TBC1D23: variants seen among roughly 807,000 people sequenced by gnomAD.
TBC1D23 encodes TBC1 domain family member 23.
A neutral mutation model predicts 91.4 loss-of-function variants in TBC1D23; 55 were observed. The ratio of observed to expected loss-of-function variants is 0.60; its 90% CI spans 0.48 to 0.75. The LOEUF (loss-of-function observed/expected upper bound fraction) is 0.75, where lower values mean the gene tolerates loss of function less well. Among genes scored for constraint, TBC1D23 ranks in the 30% least tolerant of loss-of-function variants. TBC1D23 has a pLI of 0.00. For missense variants in TBC1D23, 725 were observed against 836.1 expected (o/e 0.87, Z 1.64); for synonymous variants, 289 against 281.0 (o/e 1.03, Z -0.28).
At chr3:100,272,912 CATACAATCGGTTTT>C (rs2067612326) in intron 1 of TBC1D23, among the ~76,000 whole-genome samples, 1 of 152,012 alleles carries the variant, frequency 6.6e-6, no homozygotes, top group Non-Finnish European at 1.5e-5. Context: ...GTAGATGGAA[CATACAATCGGTTTT>C]ATACCGAGAC....
At chr3:100,294,270 T>A (rs1326625124) in intron 5 of TBC1D23, among the ~76,000 whole-genome samples, 1 of 151,738 alleles carries the variant, frequency 6.6e-6, no homozygotes, top group Non-Finnish European at 1.5e-5. Flanking sequence ...TGTTTATTTT[T>A]TTTTTTTTGA....
chr3:100,293,075 G>A (rs2067805818), intron 5 of TBC1D23, among the ~76,000 whole-genome samples: 1 of 152,094 alleles, frequency 6.6e-6, no homozygotes, highest in African/African-American at 2.4e-5. Flanking sequence ...TTTAAACTGA[G>A]TGGTTTCTCT....
chr3:100,267,463 C>A (rs1205896688), intron 1 of TBC1D23, among the ~76,000 whole-genome samples: 1 of 152,204 alleles, frequency 6.6e-6, no homozygotes, highest in Non-Finnish European at 1.5e-5. Context: ...TTTTTCTTAT[C>A]CTTTAGCTGA....
In TBC1D23 at chr3:100,262,423, G is replaced by A. The variant is rs184282553; in HGVS notation, c.53+1352G>A. ...TGTAATTTAAAATTATGTAGTAGCA[G>A]CATTTAAAACTGAAAAGAAGGCTGG... On this transcript the variant is annotated intron_variant, in intron 1 of 18. Transcript: ENST00000394144. Among the ~76,000 whole-genome samples the A allele has an allele frequency of 1.5e-3, 231 of 152,190 alleles. 1 individual carries two copies. The highest frequency in any genetic ancestry group is 5.3e-3 in the African/African-American group (219 of 41,524).
At chr3:100,269,462 TG>T (rs939110304) in intron 1 of TBC1D23, among the ~76,000 whole-genome samples, 3 of 152,202 alleles carry the variant, frequency 2.0e-5, no homozygotes, top group Admixed American at 6.5e-5. Context: ...ATTATCAAAT[TG>T]TATCAAATTG....
At position 100,310,895 on chromosome 3, in the gene TBC1D23, T is replaced by A. The variant is rs556160605; in HGVS notation, c.1553+353T>A. On this transcript the variant is annotated intron_variant, in intron 14 of 18. Transcript: ENST00000394144. Reference sequence around the variant, plus strand: ...TCAGTGATCTCATAGTAGGAACTTCTTCTTCTGCTCCAAGATTTTAAAACC... The same window carrying A: ...TCAGTGATCTCATAGTAGGAACTTCATCTTCTGCTCCAAGATTTTAAAACC... Among the ~76,000 whole-genome samples the A allele has an allele frequency of 2.0e-5, 3 of 152,224 alleles. No individual in the cohort carries two copies. The South Asian group carries it at 6.2e-4, about 31-fold the overall frequency.
At chr3:100,290,099 G>C (rs538058402) in intron 4 of TBC1D23, among the ~76,000 whole-genome samples, 41 of 152,206 alleles carry the variant, frequency 2.7e-4, no homozygotes, top group African/African-American at 9.2e-4. Context: ...TTGGTACTTG[G>C]GCCGCTTCAA....
At chr3:100,282,968 T>G (rs1003443263) in intron 3 of TBC1D23, among the ~76,000 whole-genome samples, 59 of 152,250 alleles carry the variant, frequency 3.9e-4, no homozygotes, top group Non-Finnish European at 1.3e-4. Flanking sequence ...TGTATAGAAG[T>G]CTTCTGTTTC....
chr3:100,283,582 T>C, intron 3 of TBC1D23, 25 bp from the exon 4 acceptor site: 2 of 1,591,076 alleles, frequency 1.3e-6, no homozygotes, highest in Non-Finnish European at 1.7e-6. Flanking sequence ...CCTCAGTAAC[T>C]TTATTTTTAA....
At chr3:100,264,278 C>T (rs1484246488) in intron 1 of TBC1D23, among the ~76,000 whole-genome samples, 2 of 152,064 alleles carry the variant, frequency 1.3e-5, no homozygotes, top group Non-Finnish European at 2.9e-5. Flanking sequence ...GGGTGTTCTA[C>T]TCTGTCTTTC....
chr3:100,310,486 T>A lies in TBC1D23; in HGVS notation c.1497T>A (p.Val499=). ...CTGTGGCTTTGAAGACAAAATCCGT[T>A]AATGTCAGGGAAAAAGTTATCAGTT... is the stretch of plus-strand genomic sequence containing the variant. ...KMTVALKTKS[V]NVREKVISFI... The change falls in exon 14 of 19, where the codon GTT becomes GTA. Residue 499 remains valine, a synonymous_variant. Transcript: ENST00000394144. The A allele has an allele frequency of 6.2e-7, 1 of 1,613,608 alleles. No individual in the cohort carries two copies. Among genetic ancestry groups the A allele is most frequent in the Non-Finnish European group, 8.5e-7 (1 of 1,179,684 alleles).
At chr3:100,293,632 C>T (rs78344783) in intron 5 of TBC1D23, among the ~76,000 whole-genome samples, 38 of 152,224 alleles carry the variant, frequency 2.5e-4, no homozygotes, top group African/African-American at 8.7e-4. Context: ...TGTTTGTAAT[C>T]GTAATTTTTA....
chr3:100,286,925 C>T (rs1490874304), intron 4 of TBC1D23, among the ~76,000 whole-genome samples: 2 of 152,012 alleles, frequency 1.3e-5, no homozygotes, highest in Admixed American at 6.6e-5. Flanking sequence ...AAGCGATTCT[C>T]CTGCTTCAGC....
intron 12 of TBC1D23, among the ~76,000 whole-genome samples, chr3:100,305,816 G>A (rs1288485619): frequency 2.0e-5 from 3 of 152,126 alleles, no homozygotes; most frequent in Admixed American, 6.6e-5. Flanking sequence ...TTAATAAGTA[G>A]TGTTAAACAT....
intron 5 of TBC1D23, among the ~76,000 whole-genome samples, chr3:100,292,014 T>A (rs2148859650): frequency 6.6e-6 from 1 of 152,178 alleles, no homozygotes; most frequent in South Asian, 2.1e-4. Flanking sequence ...ATCTGCTCAC[T>A]TCAGCCTCCC....
intron 10 of TBC1D23, among the ~76,000 whole-genome samples, chr3:100,300,839 G>A (rs568768876): frequency 2.0e-5 from 3 of 152,110 alleles, no homozygotes; most frequent in South Asian, 2.1e-4. Flanking sequence ...ATCAGCTTAC[G>A]TAATCTTCCA....
intron 14 of TBC1D23, 97 bp from the exon 15 acceptor site, chr3:100,311,736 G>C: frequency 1.2e-6 from 1 of 800,960 alleles, no homozygotes; most frequent in Non-Finnish European, 2.1e-6. Context: ...GTACACTCTG[G>C]GTGAGAAAAA....
chr3:100,293,445 C>T (rs2148860550), intron 5 of TBC1D23, among the ~76,000 whole-genome samples: 1 of 152,256 alleles, frequency 6.6e-6, no homozygotes, highest in South Asian at 2.1e-4. Flanking sequence ...AGATAGTTTA[C>T]TCTTGCTACT....
intron 15 of TBC1D23, among the ~76,000 whole-genome samples, chr3:100,314,905 A>G (rs1174785752): frequency 6.6e-6 from 1 of 152,192 alleles, no homozygotes; most frequent in African/African-American, 2.4e-5. Context: ...AAAAAGCTAG[A>G]GTCTTCCTTT....
Sources: allele counts gnomAD v4.1 joint callset (sites outside exome capture counted in the v4.1 genomes callset), GRCh38; gene constraint gnomAD v4.1.1; transcripts MANE v1.5; gene names NCBI Gene and HGNC (gene_info 2026-07-23, HGNC 2026-07-21).